OTC: variants seen among roughly 807,000 people sequenced by gnomAD.
OTC encodes the protein ornithine transcarbamylase.
Under a neutral mutation model 30.3 loss-of-function variants are expected in OTC, and 3 were observed. That is an observed-to-expected ratio of 0.10 (90% CI 0.05 to 0.26). The LOEUF is 0.26. Ranked by LOEUF, OTC falls within the 10% of genes least tolerant of loss-of-function variation. The probability of loss-of-function intolerance (pLI) is 1.00; values close to 1 mark genes in which losing one functional copy is unlikely to be tolerated. For missense variants in OTC, 194 were observed against 260.3 expected, an observed-to-expected ratio of 0.75 and a Z score of 1.75; for synonymous variants, 111 against 99.7, an observed-to-expected ratio of 1.11 and a Z score of -0.67.
chrX:38,353,660 T>G (rs1205246733), intron 1 of OTC, among the ~76,000 whole-genome samples: 1 of 111,499 alleles, frequency 9.0e-6, no homozygotes, highest in Non-Finnish European at 1.9e-5. Flanking sequence ...CTGACAGTTC[T>G]AGGTTCTCTG....
chrX:38,329,742 C>G, the OTC span, among the ~76,000 whole-genome samples: 2 of 111,598 alleles, frequency 1.8e-5, no homozygotes, highest in African/African-American at 3.3e-5. Flanking sequence ...AGGGTGTAAC[C>G]TTTGTAAGTA....
At chrX:38,376,430 G>A (rs778321939) in intron 3 of OTC, among the ~76,000 whole-genome samples, 5 of 111,923 alleles carry the variant, frequency 4.5e-5, no homozygotes, top group Admixed American at 9.5e-5. Context: ...ACGAGTGAAG[G>A]CATTACATGG....
chrX:38,421,103 A>G lies in OTC; in HGVS notation c.*21A>G, dbSNP rs1354991076. The G allele has an allele frequency of 3.6e-6, 4 of 1,111,009 alleles. No individual in the cohort carries two copies. The South Asian group carries it at 7.3e-5, about 20-fold the overall frequency. 91.6% of individuals were successfully genotyped at this position (1,111,009 alleles called of 1,213,427 possible). On this transcript the variant is annotated 3_prime_UTR_variant, in exon 10 of 10. Transcript: ENST00000039007. ...TTTGATGTTGTGTTACTTGTCAAGA[A>G]AGAAGCAATGTTCTTCAGTAACAGA...
At chrX:38,392,105 A>T (rs2068431776) in intron 4 of OTC, among the ~76,000 whole-genome samples, 1 of 80,641 alleles carries the variant, frequency 1.2e-5, no homozygotes, top group African/African-American at 4.1e-5. Context: ...TAGGTTGAAC[A>T]CATGTTTTAA....
intron 1 of OTC, 107 bp from the exon 2 acceptor site, chrX:38,367,184 A>AAAAAG: frequency 1.4e-6 from 1 of 717,271 alleles, no homozygotes; most frequent in East Asian, 3.6e-5. Context: ...CAAAAAAAAA[A>AAAAAG]AAAAGAAAAG....
chrX:38,341,277 C>T, the OTC span, among the ~76,000 whole-genome samples: 4 of 111,584 alleles, frequency 3.6e-5, no homozygotes, highest in Non-Finnish European at 5.6e-5. Context: ...AAAAATACCT[C>T]GTAGTAATAT....
At chrX:38,337,925 T>TA in the OTC span, among the ~76,000 whole-genome samples, 3,673 of 105,000 alleles carry the variant, frequency 0.035, 57 homozygotes, top group Non-Finnish European at 0.052. Context: ...TCCCTCAGGT[T>TA]AAAAAAAAAA....
the OTC span, among the ~76,000 whole-genome samples, chrX:38,343,815 G>A: frequency 8.9e-6 from 1 of 112,230 alleles, no homozygotes; most frequent in Non-Finnish European, 1.9e-5. Context: ...ACTCTGTTCA[G>A]AATTTTAGCC....
chrX:38,408,668 A>G, intron 6 of OTC, 74 bp from the exon 7 acceptor site: 1 of 699,116 alleles, frequency 1.4e-6, no homozygotes, highest in Non-Finnish European at 2.2e-6. Context: ...GATATTGAAA[A>G]GAAAATAATA....
chrX:38,398,378 C>T (rs777345030), intron 4 of OTC, among the ~76,000 whole-genome samples: 5 of 112,133 alleles, frequency 4.5e-5, no homozygotes, highest in Non-Finnish European at 3.8e-5. Flanking sequence ...CTGTAAAGTT[C>T]GAGAAAACCA....
chrX:38,422,652 TC>T (rs1274944009), downstream of OTC, among the ~76,000 whole-genome samples: 1 of 112,384 alleles, frequency 8.9e-6, no homozygotes, highest in Admixed American at 9.5e-5. Context: ...TCTATAGCTT[TC>T]TTTATTGTGT....
intron 1 of OTC, among the ~76,000 whole-genome samples, chrX:38,356,588 A>G (rs928030274): frequency 2.7e-5 from 3 of 111,498 alleles, no homozygotes; most frequent in African/African-American, 9.8e-5. Context: ...CCCACTCCAA[A>G]AGGTGCAGTG....
chrX:38,358,685 G>A lies in OTC; in HGVS notation c.77+5912G>A, dbSNP rs191883626. On this transcript the variant is annotated intron_variant, in intron 1 of 9. Coordinates refer to ENST00000039007, the MANE Select transcript of OTC (RefSeq NM_000531.6). Reference sequence around the variant, plus strand: ...CACCCAGGCTGGAGTGCAACGGCGCGATCTCAGCTCACCACAACCTCTGCT... The same window carrying A: ...CACCCAGGCTGGAGTGCAACGGCGCAATCTCAGCTCACCACAACCTCTGCT... 6.4e-4 allele frequency among the ~76,000 whole-genome samples: 66 copies of A among 102,915 alleles called. 1 individual carries two copies. Among genetic ancestry groups the A allele is most frequent in the Admixed American group, 5.5e-3 (51 of 9,314 alleles). The allele number at this position is 102,915 out of a possible 115,157, so 89.4% of individuals were successfully genotyped here.
At chrX:38,415,870 GCAAA>G (rs1178725206) in intron 9 of OTC, among the ~76,000 whole-genome samples, 3 of 111,303 alleles carry the variant, frequency 2.7e-5, no homozygotes, top group Non-Finnish European at 5.7e-5. Flanking sequence ...AAACAAACAA[GCAAA>G]CAAACAAAAA....
intron 1 of OTC, among the ~76,000 whole-genome samples, chrX:38,362,952 T>C (rs759653579): frequency 7.1e-5 from 8 of 112,552 alleles, no homozygotes; most frequent in Admixed American, 5.7e-4. Context: ...AACACAATTC[T>C]AAGATCTATG....
chrX:38,342,844 C>G, the OTC span, among the ~76,000 whole-genome samples: 2 of 111,901 alleles, frequency 1.8e-5, no homozygotes, highest in African/African-American at 6.5e-5. Flanking sequence ...TAAATAGGTC[C>G]CATCTTTACA....
At chrX:38,384,096 G>C (rs1416604574) in intron 4 of OTC, among the ~76,000 whole-genome samples, 1 of 112,348 alleles carries the variant, frequency 8.9e-6, no homozygotes, top group Non-Finnish European at 1.9e-5. Context: ...GAGTGCAAAT[G>C]TTCACAAGTC....
At chrX:38,367,551 C>T (rs1317531389) in intron 2 of OTC, 122 bp downstream of exon 2, 1 of 585,895 alleles carries the variant, frequency 1.7e-6, no homozygotes, top group Non-Finnish European at 2.8e-6. Context: ...AGTAATGAAA[C>T]CTCACAGTCA....
the OTC span, among the ~76,000 whole-genome samples, chrX:38,335,163 G>A: frequency 8.9e-6 from 1 of 112,024 alleles, no homozygotes; most frequent in Non-Finnish European, 1.9e-5. Flanking sequence ...GAATAGGCTT[G>A]GGATAGCACA....
Sources: gnomAD v4.1 joint callset for allele counts (sites outside exome capture counted in the v4.1 genomes callset) on GRCh38, gnomAD v4.1.1 for gene constraint, MANE v1.5 for transcripts, NCBI Gene and HGNC (gene_info 2026-07-23, HGNC 2026-07-21) for gene names.